SNTG2: variants seen among roughly 807,000 people sequenced by gnomAD.
The protein encoded by SNTG2 is syntrophin gamma 2.
SNTG2 carries 74 observed loss-of-function variants against 70.9 expected under a neutral mutation model. The ratio of observed to expected loss-of-function variants is 1.04; its 90% CI spans 0.86 to 1.27. SNTG2 has a LOEUF of 1.27. Ranked by LOEUF, SNTG2 falls within the 50% of genes most tolerant of loss-of-function variation. SNTG2 has a pLI of 0.00. For synonymous variants in SNTG2, 278 were observed against 273.8 expected, an observed-to-expected ratio of 1.02 and a Z score of -0.15; for missense variants, 717 against 690.7, an observed-to-expected ratio of 1.04 and a Z score of -0.43.
In SNTG2 at chr2:984,896, A is replaced by G. The variant is rs11680704; in HGVS notation, c.72+33828A>G. 7.4e-3 allele frequency among the ~76,000 whole-genome samples: 1,125 copies of G among 152,292 alleles called. 19 individuals are homozygous for G. The highest frequency in any genetic ancestry group is 0.026 in the African/African-American group (1,075 of 41,548). ...GGGCACAGTAGAAGTTTTATTATCAATCAGAATTTAACAAGGATTGACATG... is the reference window on the plus strand; with the variant it reads ...GGGCACAGTAGAAGTTTTATTATCAGTCAGAATTTAACAAGGATTGACATG... On this transcript the variant is annotated intron_variant, in intron 1 of 16. Coordinates refer to ENST00000308624, the MANE Select transcript of SNTG2 (RefSeq NM_018968.4).
intron 14 of SNTG2, among the ~76,000 whole-genome samples, chr2:1,271,958 G>A (rs1257230024): frequency 6.6e-6 from 1 of 152,020 alleles, no homozygotes; most frequent in African/African-American, 2.4e-5. Flanking sequence ...GAACGCTATT[G>A]GATGATTGGC....
chr2:1,058,038 A>G (rs188454594), intron 1 of SNTG2, among the ~76,000 whole-genome samples: 187 of 152,250 alleles, frequency 1.2e-3, no homozygotes, highest in Admixed American at 3.5e-3. Context: ...AAAAGACAAA[A>G]AATAAAAAGC....
chr2:1,138,576 A>G (rs555117917), intron 6 of SNTG2, among the ~76,000 whole-genome samples: 1 of 152,126 alleles, frequency 6.6e-6, no homozygotes, highest in African/African-American at 2.4e-5. Flanking sequence ...AGCGGGTGAG[A>G]TGACGGGCAG....
intron 14 of SNTG2, 38 bp downstream of exon 14, chr2:1,267,609 C>T (rs774521527): frequency 1.3e-6 from 2 of 1,547,344 alleles, no homozygotes; most frequent in East Asian, 2.2e-5. Flanking sequence ...CCTACACCTG[C>T]TCGGGTGTCT....
chr2:1,259,001 T>G (rs1225595505), intron 12 of SNTG2, among the ~76,000 whole-genome samples: 2 of 152,240 alleles, frequency 1.3e-5, no homozygotes, highest in African/African-American at 4.8e-5. Flanking sequence ...CATTAAATGT[T>G]ACCCAAAATT....
intron 9 of SNTG2, among the ~76,000 whole-genome samples, chr2:1,218,104 T>G (rs1021420100): frequency 4.6e-5 from 7 of 152,006 alleles, no homozygotes; most frequent in Admixed American, 4.6e-4. Flanking sequence ...GACCACCATG[T>G]TCATTGACAT....
chr2:1,020,851 G>C (rs1660127832), intron 1 of SNTG2, among the ~76,000 whole-genome samples: 1 of 152,098 alleles, frequency 6.6e-6, no homozygotes. Flanking sequence ...TTTGCCAATA[G>C]TAACTGTTAG....
At chr2:1,122,606 A>G (rs1667442585) in intron 4 of SNTG2, among the ~76,000 whole-genome samples, 2 of 152,084 alleles carry the variant, frequency 1.3e-5, no homozygotes, top group Non-Finnish European at 2.9e-5. Context: ...CCTAGCTAGC[A>G]TTATAATCAA....
intron 4 of SNTG2, among the ~76,000 whole-genome samples, chr2:1,122,422 A>C (rs1667431892): frequency 6.6e-6 from 1 of 152,174 alleles, no homozygotes; most frequent in Admixed American, 6.5e-5. Context: ...ACCAAGTAGG[A>C]TTCATCCATG....
intron 12 of SNTG2, among the ~76,000 whole-genome samples, chr2:1,250,655 C>G (rs1677701979): frequency 6.6e-6 from 1 of 151,980 alleles, no homozygotes; most frequent in Non-Finnish European, 1.5e-5. Context: ...TCTCTGCCCT[C>G]TTTGCTCCTC....
chr2:1,029,713 A>G (rs1660704644), intron 1 of SNTG2, among the ~76,000 whole-genome samples: 1 of 152,164 alleles, frequency 6.6e-6, no homozygotes, highest in Non-Finnish European at 1.5e-5. Context: ...GTGCCCCCTC[A>G]GTGCTCCTGT....
At chr2:1,238,153 G>A in intron 10 of SNTG2, 136 bp downstream of exon 10, 2 of 1,187,100 alleles carry the variant, frequency 1.7e-6, no homozygotes, top group Non-Finnish European at 2.3e-6. Context: ...TCAAATCTAT[G>A]TCTAAAAACA....
chr2:1,089,135 G>A (rs984028995), intron 2 of SNTG2, among the ~76,000 whole-genome samples: 1 of 152,184 alleles, frequency 6.6e-6, no homozygotes, highest in East Asian at 1.9e-4. Context: ...ACAAAATGCA[G>A]TCGTCAGCAA....
chr2:1,089,771 T>C (rs572652850), intron 2 of SNTG2, among the ~76,000 whole-genome samples: 6 of 152,266 alleles, frequency 3.9e-5, no homozygotes, highest in African/African-American at 1.2e-4. Context: ...CAAAGACAGT[T>C]GCATAATCTG....
chr2:1,119,887 A>G (rs1022992915), intron 4 of SNTG2, among the ~76,000 whole-genome samples: 7 of 152,184 alleles, frequency 4.6e-5, no homozygotes, highest in Non-Finnish European at 7.4e-5. Flanking sequence ...TTTTCTATCA[A>G]TAATCACTTT....
chr2:1,330,247 A>T (rs1245547515), intron 16 of SNTG2, among the ~76,000 whole-genome samples: 1 of 152,268 alleles, frequency 6.6e-6, no homozygotes, highest in Admixed American at 6.5e-5. Context: ...CAAAAGCAAT[A>T]TAAATAATTT....
chr2:1,290,801 T>C (rs1679960287), intron 14 of SNTG2, among the ~76,000 whole-genome samples: 1 of 149,404 alleles, frequency 6.7e-6, no homozygotes, highest in Non-Finnish European at 1.5e-5. Flanking sequence ...ACCATATCAA[T>C]GGGTGTACAA....
intron 9 of SNTG2, among the ~76,000 whole-genome samples, chr2:1,213,058 T>TCAATCTATAACCA (rs1674150357): frequency 6.6e-6 from 1 of 152,212 alleles, no homozygotes; most frequent in African/African-American, 2.4e-5. Flanking sequence ...GTATAGGACC[T>TCAATCTATAACCA]CAATCTATAA....
At position 1,137,662 on chromosome 2, in the gene SNTG2, C is replaced by T. The variant is rs375150237; in HGVS notation, c.366C>T (p.Leu122=). ...TGMLFVGDAV[L]QVNGIHVENA... is the part of the protein sequence containing the mutation. Reference sequence around the variant, plus strand: ...TGTTGTTCGTAGGAGATGCTGTTCTCCAGGTCAGTATTGTACACGTTAATC... The same window carrying T: ...TGTTGTTCGTAGGAGATGCTGTTCTTCAGGTCAGTATTGTACACGTTAATC... The change falls in exon 5 of 17, where the codon CTC becomes CTT. Residue 122 remains leucine (L), a synonymous_variant. Transcript: ENST00000308624. The T allele has an allele frequency of 6.2e-7, 1 of 1,613,246 alleles. No individual in the cohort carries two copies. The highest frequency in any genetic ancestry group is 8.5e-7 in the Non-Finnish European group (1 of 1,179,732).
Sources: allele counts gnomAD v4.1 joint callset (sites outside exome capture counted in the v4.1 genomes callset), GRCh38; gene constraint gnomAD v4.1.1; transcripts MANE v1.5; gene names NCBI Gene and HGNC (gene_info 2026-07-23, HGNC 2026-07-21).